The following FCHO2 variants were observed in gnomAD, a reference collection of about 807,000 sequenced individuals.
FCHO2 encodes FCH and mu domain containing endocytic adaptor 2, also known as F-BAR domain only protein 2.
In FCHO2, 43 loss-of-function variants were observed where a neutral mutation model predicts 114.1. The ratio of observed to expected loss-of-function variants is 0.38; its 90% CI spans 0.30 to 0.49. The LOEUF is 0.49. FCHO2 is among the 20% of genes least tolerant of loss of function. The pLI is 0.97. For synonymous variants in FCHO2, 293 were observed against 315.2 expected, an observed-to-expected ratio of 0.93 and a Z score of 0.75; for missense variants, 807 against 950.4, an observed-to-expected ratio of 0.85 and a Z score of 1.98.
intron 8 of FCHO2, among the ~76,000 whole-genome samples, chr5:73,023,242 T>C (rs1457200766): frequency 6.6e-6 from 1 of 152,216 alleles, no homozygotes; most frequent in African/African-American, 2.4e-5. Context: ...GTATATGTAT[T>C]TCAGGTGTAG....
At position 73,040,364 on chromosome 5, in the gene FCHO2, A is replaced by G. The variant is rs1306396746; in HGVS notation, c.915-927A>G. Among the ~76,000 whole-genome samples the G allele has an allele frequency of 2.0e-5, 3 of 152,146 alleles. No individual in the cohort carries two copies. In the East Asian group the frequency reaches 5.8e-4, roughly 29 times the overall value. ...TTCAAAAACTCTCAGATTTTGGAGC[A>G]CTTTGGATTTCAGATTTTTGGATTA... is the stretch of plus-strand genomic sequence containing the variant. On this transcript the variant is annotated intron_variant, in intron 10 of 25. Transcript: ENST00000430046.
rs1268401137 is a variant in FCHO2 at position 73,056,045 on chromosome 5, T to C, written c.1211-20T>C. On this transcript the variant is annotated intron_variant, in intron 15 of 25. Coordinates refer to ENST00000430046, the MANE Select transcript of FCHO2 (RefSeq NM_138782.3). ...TATTTCTCAGATTATGAAGTTTTCA[T>C]ATTTTAATTTTTTAATTAGATGAGG... is the stretch of plus-strand genomic sequence containing the variant. 6.9e-7 allele frequency: 1 copy of C among 1,455,412 alleles called. No individual in the cohort carries two copies. The highest frequency in any genetic ancestry group is 9.3e-7 in the Non-Finnish European group (1 of 1,080,510). The allele number at this position is 1,455,412 out of a possible 1,614,324, so 90.2% of individuals were successfully genotyped here.
chr5:73,052,502 A>G lies in FCHO2; in HGVS notation c.1168A>G (p.Ile390Val), dbSNP rs1757387661. The G allele has an allele frequency of 1.3e-6, 2 of 1,585,126 alleles. No homozygotes were observed. The highest frequency in any genetic ancestry group is 1.2e-5 in the South Asian group (1 of 86,672). ...SIGNITLSPA[I>V]SRHSPVQMNR... is the part of the protein sequence containing the mutation. ...AGGGAATATAACACTCTCCCCAGCA[A>G]TATCTGTAAGTACAAACACGTTTGT... The change falls in exon 13 of 26, where the codon ATA (isoleucine) becomes GTA (valine). Residue 390 changes from isoleucine (I) to valine (V), a missense_variant. Transcript: ENST00000430046.
At chr5:72,960,206 C>G (rs1433356140) in intron 1 of FCHO2, among the ~76,000 whole-genome samples, 2 of 152,220 alleles carry the variant, frequency 1.3e-5, no homozygotes, top group Non-Finnish European at 2.9e-5. Context: ...TCTTCAAGCT[C>G]TTTTGAAAGC....
At chr5:73,035,734 C>T (rs1483131608) in intron 9 of FCHO2, among the ~76,000 whole-genome samples, 1 of 152,008 alleles carries the variant, frequency 6.6e-6, no homozygotes, top group Admixed American at 6.6e-5. Flanking sequence ...AACTCCTGAG[C>T]TCAAGTGATC....
At chr5:72,974,074 G>T (rs1464158109) in intron 2 of FCHO2, among the ~76,000 whole-genome samples, 1 of 149,784 alleles carries the variant, frequency 6.7e-6, no homozygotes, top group Admixed American at 6.6e-5. Flanking sequence ...GAGATAGTTT[G>T]TTATAATTTC....
At chr5:73,015,538 A>G in intron 6 of FCHO2, 88 bp from the exon 7 acceptor site, 1 of 766,716 alleles carries the variant, frequency 1.3e-6, no homozygotes, top group Middle Eastern at 2.7e-4. Flanking sequence ...GCTGGGAGAG[A>G]TGATTTCTGA....
intron 18 of FCHO2, among the ~76,000 whole-genome samples, chr5:73,064,699 TTCTC>T (rs1193885256): frequency 6.6e-6 from 1 of 152,030 alleles, no homozygotes; most frequent in African/African-American, 2.4e-5. Flanking sequence ...CTGTCCATCT[TTCTC>T]CCCTTTTCAA....
Position 72,965,136 on chromosome 5 carries a change from A to G in FCHO2, c.34-3362A>G, listed in dbSNP as rs115116776. Among the ~76,000 whole-genome samples, 289 of 152,254 alleles carry G rather than the reference A, an allele frequency of 1.9e-3. 2 individuals carry two copies. Among genetic ancestry groups the G allele is most frequent in the African/African-American group, 6.7e-3 (278 of 41,540 alleles). On this transcript the variant is annotated intron_variant, in intron 1 of 25. Coordinates refer to ENST00000430046, the MANE Select transcript of FCHO2 (RefSeq NM_138782.3). ...GAGAAGAGGGGACTACTGTACAAAT[A>G]AGAGTATTGATGAGAAGAGGTTGTA...
In FCHO2 at chr5:73,050,306, T is replaced by G. The variant is rs1054513067; in HGVS notation, c.940-1043T>G. On this transcript the variant is annotated intron_variant, in intron 11 of 25. Coordinates refer to ENST00000430046, the MANE Select transcript of FCHO2 (RefSeq NM_138782.3). ...GTTTAGCTTTCTGCTATTTATTTAT[T>G]TATTTATTTATTTATTTATTTATTT... Among the ~76,000 whole-genome samples, 6 of 141,982 alleles carry G rather than the reference T, an allele frequency of 4.2e-5. No homozygotes were observed. In the East Asian group the frequency reaches 1.2e-3, roughly 29 times the overall value. 93.1% of individuals were successfully genotyped at this position (141,982 alleles called of 152,430 possible).
chr5:73,051,226 A>G (rs2112834183), intron 11 of FCHO2, 123 bp from the exon 12 acceptor site: 1 of 606,714 alleles, frequency 1.6e-6, no homozygotes, highest in Non-Finnish European at 2.9e-6. Context: ...TCATCATTTC[A>G]TTAACCTGTT....
In FCHO2 at chr5:72,989,514, C is replaced by T; in HGVS notation, c.200+13C>T. On this transcript the variant is annotated intron_variant, in intron 3 of 25. Transcript: ENST00000430046. ...ATTCACAACTTGGGTGAGTTAATTT[C>T]TTCCTCTTTTTCAGTGTTTATTTAG... is the stretch of plus-strand genomic sequence containing the variant. 6.3e-7 allele frequency: 1 copy of T among 1,587,634 alleles called. No homozygotes were observed. The highest frequency in any genetic ancestry group is 1.2e-5 in the South Asian group (1 of 86,892).
In FCHO2 at chr5:73,003,908, C is replaced by T. The variant is rs189771053; in HGVS notation, c.496-2537C>T. Among the ~76,000 whole-genome samples the T allele has an allele frequency of 3.3e-5, 5 of 151,820 alleles. No individual in the cohort carries two copies. In the East Asian group the frequency reaches 9.7e-4, roughly 30 times the overall value. On this transcript the variant is annotated intron_variant, in intron 5 of 25. Transcript: ENST00000430046. The stretch of plus-strand genomic sequence containing the variant: ...ACTAAAAATACAAAAATTAGCTGGG[C>T]GTGGTGGCTTGCACCTGTAATTCCA...
rs1369991789 is a variant in FCHO2 at position 73,090,058 on chromosome 5, C to G, written c.*1968C>G. ...ATATTTTATTATTGGAATTCAGACA[C>G]TGTTCTTACCGTGTTTGTTTTTAAT... On this transcript the variant is annotated 3_prime_UTR_variant, in exon 26 of 26. Transcript: ENST00000430046. 6.6e-6 allele frequency: 1 copy of G among 152,564 alleles called. No homozygotes were observed. The highest frequency in any genetic ancestry group is 1.5e-5 in the Non-Finnish European group (1 of 67,966). The allele number at this position is 152,564 out of a possible 1,614,324, so 9.5% of individuals were successfully genotyped here.
At chr5:72,969,015 C>G (rs1260302736) in intron 2 of FCHO2, among the ~76,000 whole-genome samples, 1 of 152,042 alleles carries the variant, frequency 6.6e-6, no homozygotes, top group Non-Finnish European at 1.5e-5. Flanking sequence ...ATTTTAAAAT[C>G]TTGCAAATTT....
chr5:73,052,452 C>G lies in FCHO2; in HGVS notation c.1118C>G (p.Ser373Cys). 6 of 1,599,336 alleles carry G rather than the reference C, an allele frequency of 3.8e-6. No homozygotes were observed. The highest frequency in any genetic ancestry group is 3.4e-6 in the Non-Finnish European group (4 of 1,172,360). The change falls in exon 13 of 26, where the codon TCT becomes TGT. Residue 373 changes from serine to cysteine, a missense_variant. Physicochemically the swap from Ser to Cys is moderately radical, Grantham distance 112. Transcript: ENST00000430046. ...HPNNSHHTMA[S>C]LDELKVSIGN... is the part of the protein sequence containing the mutation. Reference sequence around the variant, plus strand: ...AATAACTCACATCACACAATGGCTTCTTTGGATGAATTAAAAGTATCTATA... The same window carrying G: ...AATAACTCACATCACACAATGGCTTGTTTGGATGAATTAAAAGTATCTATA...
intron 6 of FCHO2, among the ~76,000 whole-genome samples, chr5:73,012,638 A>T (rs976340705): frequency 1.4e-5 from 2 of 146,624 alleles, no homozygotes; most frequent in African/African-American, 2.6e-5. Context: ...AAAAAAAAAA[A>T]TTAATGTAAC....
chr5:73,010,120 G>A (rs1580095147), intron 6 of FCHO2, among the ~76,000 whole-genome samples: 1 of 152,206 alleles, frequency 6.6e-6, no homozygotes, highest in African/African-American at 2.4e-5. Flanking sequence ...AGGCCAGCTG[G>A]GTTGACCAGT....
chr5:73,056,191 G>A (rs535873271), intron 16 of FCHO2, 84 bp downstream of exon 16: 3 of 1,058,448 alleles, frequency 2.8e-6, no homozygotes, highest in East Asian at 5.4e-5. Context: ...TGAATGGAAA[G>A]CACAGAGATT....
Sources: gnomAD v4.1 joint callset for allele counts (sites outside exome capture counted in the v4.1 genomes callset) on GRCh38, gnomAD v4.1.1 for gene constraint, MANE v1.5 for transcripts, NCBI Gene and HGNC (gene_info 2026-07-23, HGNC 2026-07-21) for gene names.